The following CDH12 variants were observed in gnomAD, a reference collection of about 807,000 sequenced individuals.
CDH12 encodes cadherin-12.
A neutral mutation model predicts 74.1 loss-of-function variants in CDH12; 41 were observed. The observed-to-expected ratio is 0.55, with a 90% confidence interval of 0.43 to 0.72. The LOEUF is 0.72. CDH12 is among the 30% of genes least tolerant of loss of function. The probability of loss-of-function intolerance (pLI) is 0.00; values close to 1 mark genes in which losing one functional copy is unlikely to be tolerated. For synonymous variants in CDH12, 399 were observed against 355.0 expected, an observed-to-expected ratio of 1.12 and a Z score of -1.39; for missense variants, 945 against 977.2, an observed-to-expected ratio of 0.97 and a Z score of 0.44.
chr5:22,786,805 G>A (rs543349019), intron 1 of CDH12, among the ~76,000 whole-genome samples: 8 of 150,900 alleles, frequency 5.3e-5, no homozygotes, highest in Admixed American at 4.0e-4. Flanking sequence ...TGCAACCTCC[G>A]CCTTCTGGGT....
intron 1 of CDH12, among the ~76,000 whole-genome samples, chr5:22,721,343 T>C (rs1420381002): frequency 2.0e-5 from 3 of 152,246 alleles, no homozygotes; most frequent in Non-Finnish European, 2.9e-5. Context: ...AGCTTTAAGA[T>C]TGAATGACTG....
At chr5:22,496,822 T>C (rs1379554417) in intron 2 of CDH12, among the ~76,000 whole-genome samples, 4 of 152,212 alleles carry the variant, frequency 2.6e-5, no homozygotes, top group Non-Finnish European at 5.9e-5. Context: ...TTTGCTCTTT[T>C]TATTTTTCTT....
At chr5:22,169,980 T>A (rs1373198226) in intron 4 of CDH12, among the ~76,000 whole-genome samples, 1 of 151,956 alleles carries the variant, frequency 6.6e-6, no homozygotes, top group Admixed American at 6.6e-5. Flanking sequence ...ATAACTTTAC[T>A]GCTTATTAAA....
chr5:22,769,803 G>A (rs547719973), intron 1 of CDH12, among the ~76,000 whole-genome samples: 1 of 152,062 alleles, frequency 6.6e-6, no homozygotes, highest in South Asian at 2.1e-4. Context: ...GATATTCTAT[G>A]GAAATCTAAG....
intron 2 of CDH12, among the ~76,000 whole-genome samples, chr5:22,490,059 T>G (rs1746796494): frequency 1.3e-5 from 2 of 152,332 alleles, no homozygotes; most frequent in South Asian, 2.1e-4. Context: ...GAAGATAAGG[T>G]ATAATTTTAA....
At chr5:22,386,632 A>G (rs989006683) in intron 3 of CDH12, among the ~76,000 whole-genome samples, 6 of 152,064 alleles carry the variant, frequency 3.9e-5, no homozygotes, top group Non-Finnish European at 8.8e-5. Flanking sequence ...GAGTTCTTTT[A>G]TTATCAGGGA....
At position 22,745,143 on chromosome 5, in the gene CDH12, A is replaced by T. The variant is rs553283411; in HGVS notation, c.-523+107915T>A. ...TTGTTTATGAAATGTTCCCTAAATC[A>T]TAAAGTCAGGAAAATCACGTCATTC... On this transcript the variant is annotated intron_variant, in intron 1 of 14. Coordinates refer to ENST00000382254, the MANE Select transcript of CDH12 (RefSeq NM_004061.5). Among the ~76,000 whole-genome samples the T allele has an allele frequency of 3.1e-3, 465 of 152,154 alleles. 1 individual carries two copies. The highest frequency in any genetic ancestry group is 0.01 in the Middle Eastern group (3 of 294).
intron 6 of CDH12, among the ~76,000 whole-genome samples, chr5:21,870,118 T>G (rs1394896775): frequency 6.6e-6 from 1 of 152,202 alleles, no homozygotes; most frequent in Non-Finnish European, 1.5e-5. Context: ...AGAAGTGACT[T>G]GCTCCTCTTT....
chr5:22,650,930 T>C (rs909302932), intron 1 of CDH12, among the ~76,000 whole-genome samples: 1 of 152,064 alleles, frequency 6.6e-6, no homozygotes, highest in Non-Finnish European at 1.5e-5. Flanking sequence ...CGAGAGGCGA[T>C]AACTGTTAAT....
At chr5:22,088,756 G>A (rs1743226431) in intron 4 of CDH12, among the ~76,000 whole-genome samples, 2 of 152,094 alleles carry the variant, frequency 1.3e-5, no homozygotes, top group Non-Finnish European at 1.5e-5. Flanking sequence ...TGTGATACAC[G>A]CAAAGGGACA....
intron 1 of CDH12, among the ~76,000 whole-genome samples, chr5:22,613,497 G>A (rs143510333): frequency 1.3e-5 from 2 of 151,510 alleles, no homozygotes; most frequent in East Asian, 3.9e-4. Context: ...AAGTTGTGAT[G>A]ATTTATGAGA....
chr5:22,835,504 G>A (rs903874043), intron 1 of CDH12, among the ~76,000 whole-genome samples: 2 of 152,034 alleles, frequency 1.3e-5, no homozygotes, highest in Non-Finnish European at 2.9e-5. Flanking sequence ...TTTATTCTTT[G>A]AATGGGGGCT....
At chr5:22,642,421 T>A (rs1412630250) in intron 1 of CDH12, among the ~76,000 whole-genome samples, 2 of 152,168 alleles carry the variant, frequency 1.3e-5, no homozygotes, top group Non-Finnish European at 2.9e-5. Flanking sequence ...AAATATTCCC[T>A]TCCCCATAAC....
At chr5:22,221,204 T>C (rs1239776709) in intron 3 of CDH12, among the ~76,000 whole-genome samples, 2 of 151,932 alleles carry the variant, frequency 1.3e-5, no homozygotes, top group East Asian at 3.9e-4. Flanking sequence ...GCTTTTAATC[T>C]GCTTATTCAA....
rs796807653 is a variant in CDH12 at position 21,843,336 on chromosome 5, A to T, written c.647-1008T>A. The stretch of plus-strand genomic sequence containing the variant: ...AATCAACCATCAACAAACATATAGA[A>T]TCCAAATCATAAACCCAACATACAT... On this transcript the variant is annotated intron_variant, in intron 7 of 14. Coordinates refer to ENST00000382254, the MANE Select transcript of CDH12 (RefSeq NM_004061.5). Among the ~76,000 whole-genome samples, 28 of 152,234 alleles carry T rather than the reference A, an allele frequency of 1.8e-4. 1 individual carries two copies. The highest frequency in any genetic ancestry group is 6.5e-4 in the African/African-American group (27 of 41,550).
intron 4 of CDH12, among the ~76,000 whole-genome samples, chr5:22,104,140 A>C (rs959639079): frequency 1.3e-5 from 2 of 152,228 alleles, no homozygotes; most frequent in Non-Finnish European, 1.5e-5. Context: ...TAGTAACAGA[A>C]ACCTTGAAAG....
Position 21,921,191 on chromosome 5 carries a change from C to T in CDH12, c.526+53900G>A, listed in dbSNP as rs923876448. Among the ~76,000 whole-genome samples the T allele has an allele frequency of 8.5e-5, 13 of 152,064 alleles. 1 individual carries two copies. The highest frequency in any genetic ancestry group is 8.5e-4 in the Admixed American group (13 of 15,264). On this transcript the variant is annotated intron_variant, in intron 6 of 14. Coordinates refer to ENST00000382254, the MANE Select transcript of CDH12 (RefSeq NM_004061.5). Reference sequence around the variant, plus strand: ...AAAAAGACACAAGTCATGATGTTGCCCCACATATTAGAAGCACAGAATTAT... The same window carrying T: ...AAAAAGACACAAGTCATGATGTTGCTCCACATATTAGAAGCACAGAATTAT...
intron 1 of CDH12, among the ~76,000 whole-genome samples, chr5:22,799,191 C>T (rs1009367682): frequency 6.6e-6 from 1 of 152,080 alleles, no homozygotes; most frequent in African/African-American, 2.4e-5. Context: ...TGAATCAGTA[C>T]CTTAGGCATA....
At chr5:22,016,977 T>C (rs954091589) in intron 5 of CDH12, among the ~76,000 whole-genome samples, 1 of 152,092 alleles carries the variant, frequency 6.6e-6, no homozygotes, top group Non-Finnish European at 1.5e-5. Context: ...GAAAAATGCC[T>C]CTGCCCCACT....
Sources: allele counts gnomAD v4.1 joint callset (sites outside exome capture counted in the v4.1 genomes callset), GRCh38; gene constraint gnomAD v4.1.1; transcripts MANE v1.5; gene names NCBI Gene and HGNC (gene_info 2026-07-23, HGNC 2026-07-21).